The following KCNT2 variants were observed in gnomAD, a reference collection of about 807,000 sequenced individuals.
KCNT2 encodes the protein potassium channel subfamily T member 2.
A neutral mutation model predicts 153.8 loss-of-function variants in KCNT2; 67 were observed. That is an observed-to-expected ratio of 0.44 (90% CI 0.36 to 0.53). KCNT2 has a LOEUF of 0.53. Among genes scored for constraint, KCNT2 ranks in the 20% least tolerant of loss-of-function variants. KCNT2 has a pLI of 0.00. For synonymous variants in KCNT2, 500 were observed against 458.8 expected, an observed-to-expected ratio of 1.09 and a Z score of -1.15; for missense variants, 975 against 1,354.8, an observed-to-expected ratio of 0.72 and a Z score of 4.40.
intron 15 of KCNT2, 144 bp downstream of exon 15, chr1:196,341,935 G>A: frequency 2.9e-6 from 2 of 693,976 alleles, no homozygotes; most frequent in Non-Finnish European, 4.6e-6. Flanking sequence ...GGGTTCAAAT[G>A]TTTCAACATT....
At chr1:196,256,690 C>T (rs544631494) in intron 26 of KCNT2, among the ~76,000 whole-genome samples, 2 of 149,872 alleles carry the variant, frequency 1.3e-5, no homozygotes, top group African/African-American at 2.5e-5. Context: ...TTGACAGTTT[C>T]ACAGGTGATT....
intron 16 of KCNT2, 23 bp downstream of exon 16, chr1:196,340,318 A>C: frequency 8.0e-7 from 1 of 1,251,962 alleles, no homozygotes; most frequent in Non-Finnish European, 1.1e-6. Flanking sequence ...AATTAATGAT[A>C]TTTCAAATTT....
chr1:196,478,751 C>G (rs1203354256), intron 5 of KCNT2, among the ~76,000 whole-genome samples: 6 of 152,032 alleles, frequency 3.9e-5, no homozygotes, highest in African/African-American at 1.4e-4. Context: ...ACAGAGCTCT[C>G]CATTAAATAG....
At chr1:196,422,532 A>C (rs1261679025) in intron 12 of KCNT2, among the ~76,000 whole-genome samples, 1 of 151,976 alleles carries the variant, frequency 6.6e-6, no homozygotes, top group Non-Finnish European at 1.5e-5. Flanking sequence ...TGGACCTAAA[A>C]AATGCATCAT....
chr1:196,382,443 T>G (rs2148374608), intron 13 of KCNT2, among the ~76,000 whole-genome samples: 1 of 151,938 alleles, frequency 6.6e-6, no homozygotes. Flanking sequence ...TTAAGAAAAG[T>G]TGTTTGAAAG....
chr1:196,361,634 T>TC (rs1399160495), intron 14 of KCNT2, among the ~76,000 whole-genome samples: 3 of 151,966 alleles, frequency 2.0e-5, no homozygotes, highest in Non-Finnish European at 4.4e-5. Context: ...AAAGGGCGCT[T>TC]CCCCACTTTG....
At chr1:196,300,185 A>C (rs768310617) in intron 22 of KCNT2, among the ~76,000 whole-genome samples, 2 of 152,222 alleles carry the variant, frequency 1.3e-5, no homozygotes, top group Non-Finnish European at 2.9e-5. Flanking sequence ...AAGAAGCTTG[A>C]GTGGAAAGAC....
chr1:196,422,419 TAA>T (rs1673291375), intron 12 of KCNT2, among the ~76,000 whole-genome samples: 1 of 151,890 alleles, frequency 6.6e-6, no homozygotes, highest in Non-Finnish European at 1.5e-5. Context: ...TTACTGAACA[TAA>T]AATAATGAAG....
intron 19 of KCNT2, among the ~76,000 whole-genome samples, chr1:196,321,079 A>T (rs1180267337): frequency 6.6e-6 from 1 of 151,466 alleles, no homozygotes; most frequent in Admixed American, 6.6e-5. Context: ...AAAGATCCTG[A>T]TATATGTTTT....
chr1:196,403,499 A>G (rs1671585742), intron 12 of KCNT2, among the ~76,000 whole-genome samples: 1 of 151,702 alleles, frequency 6.6e-6, no homozygotes, highest in African/African-American at 2.4e-5. Flanking sequence ...TATTACATTT[A>G]TCAAAACCCA....
chr1:196,401,792 A>C (rs887186783), intron 12 of KCNT2, among the ~76,000 whole-genome samples: 2 of 151,734 alleles, frequency 1.3e-5, no homozygotes, highest in African/African-American at 4.8e-5. Context: ...AATGACTAGA[A>C]ACTTTTTAAT....
chr1:196,342,054 AT>A (rs1665687208), intron 15 of KCNT2, 24 bp downstream of exon 15: 1 of 1,589,824 alleles, frequency 6.3e-7, no homozygotes, highest in African/African-American at 1.3e-5. Context: ...TGATATTTTA[AT>A]TTTTCTCTGA....
intron 1 of KCNT2, among the ~76,000 whole-genome samples, chr1:196,565,956 G>C (rs1187899277): frequency 1.3e-5 from 2 of 151,944 alleles, no homozygotes; most frequent in Admixed American, 1.3e-4. Context: ...AAATCACTGA[G>C]AGTAGATTTT....
At chr1:196,305,584 T>A (rs1387801373) in intron 21 of KCNT2, among the ~76,000 whole-genome samples, 1 of 152,168 alleles carries the variant, frequency 6.6e-6, no homozygotes, top group Non-Finnish European at 1.5e-5. Flanking sequence ...AATTTGGCTT[T>A]TTTTAGACAT....
chr1:196,364,335 T>C (rs1188006885), intron 14 of KCNT2, among the ~76,000 whole-genome samples: 6 of 152,156 alleles, frequency 3.9e-5, no homozygotes, highest in South Asian at 2.1e-4. Context: ...CAAACTTCCT[T>C]GAATACGTAA....
At chr1:196,242,064 C>T (rs1331917117) in intron 26 of KCNT2, among the ~76,000 whole-genome samples, 1 of 152,054 alleles carries the variant, frequency 6.6e-6, no homozygotes, top group Non-Finnish European at 1.5e-5. Flanking sequence ...ATATCCCTTA[C>T]CCTACCACAA....
At chr1:196,231,587 G>A (rs1653961955) in intron 27 of KCNT2, among the ~76,000 whole-genome samples, 3 of 151,814 alleles carry the variant, frequency 2.0e-5, no homozygotes, top group Admixed American at 6.6e-5. Context: ...TTTATTGTGG[G>A]GTTGGGTTGA....
At chr1:196,494,677 C>G (rs1021211664) in intron 1 of KCNT2, among the ~76,000 whole-genome samples, 1 of 151,914 alleles carries the variant, frequency 6.6e-6, no homozygotes, top group Middle Eastern at 3.2e-3. Context: ...TCATCTAAAG[C>G]CTTAACAAAA....
At chr1:196,233,263 C>T (rs2102225455) in intron 27 of KCNT2, among the ~76,000 whole-genome samples, 1 of 151,432 alleles carries the variant, frequency 6.6e-6, no homozygotes, top group East Asian at 1.9e-4. Flanking sequence ...TCTGTTTCCC[C>T]AATGCTCCTG....
Sources: allele counts gnomAD v4.1 joint callset (sites outside exome capture counted in the v4.1 genomes callset), GRCh38; gene constraint gnomAD v4.1.1; transcripts MANE v1.5; gene names NCBI Gene and HGNC (gene_info 2026-07-23, HGNC 2026-07-21).